The following CDH22 variants were observed in gnomAD, a reference collection of about 807,000 sequenced individuals.
CDH22 encodes the protein cadherin 22.
Under a neutral mutation model 58.4 loss-of-function variants are expected in CDH22, and 30 were observed. That is an observed-to-expected ratio of 0.51 (90% CI 0.38 to 0.70). The LOEUF (loss-of-function observed/expected upper bound fraction) is 0.70, where lower values mean the gene tolerates loss of function less well. CDH22 is among the 30% of genes least tolerant of loss of function. The probability of loss-of-function intolerance (pLI) is 0.00; values close to 1 mark genes in which losing one functional copy is unlikely to be tolerated. For synonymous variants in CDH22, 513 were observed against 558.2 expected (o/e 0.92, Z 1.14); for missense variants, 1,014 against 1,233.9 (o/e 0.82, Z 2.67).
intron 1 of CDH22, among the ~76,000 whole-genome samples, chr20:46,264,586 G>A (rs544852022): frequency 7.2e-5 from 11 of 152,116 alleles, no homozygotes; most frequent in African/African-American, 2.4e-4. Flanking sequence ...CTTGCCCAAG[G>A]TCACACAGCT....
chr20:46,268,553 G>A (rs1600722302), intron 1 of CDH22, among the ~76,000 whole-genome samples: 2 of 151,316 alleles, frequency 1.3e-5, no homozygotes, highest in Non-Finnish European at 1.5e-5. Flanking sequence ...CCACCACCCC[G>A]GGCTCGGGAT....
At chr20:46,201,080 G>A (rs2085957801) in intron 7 of CDH22, among the ~76,000 whole-genome samples, 1 of 152,244 alleles carries the variant, frequency 6.6e-6, no homozygotes, top group Non-Finnish European at 1.5e-5. Flanking sequence ...CACATGTCTC[G>A]GGCGGCGGCG....
intron 11 of CDH22, among the ~76,000 whole-genome samples, chr20:46,177,140 G>A (rs1428833532): frequency 6.6e-6 from 1 of 152,154 alleles, no homozygotes; most frequent in Non-Finnish European, 1.5e-5. Context: ...CAGAGGCCGT[G>A]CCAGTGCCAG....
At chr20:46,299,121 A>T (rs1307641609) in intron 1 of CDH22, among the ~76,000 whole-genome samples, 2 of 152,156 alleles carry the variant, frequency 1.3e-5, no homozygotes, top group Non-Finnish European at 1.5e-5. Context: ...AGCTCCACGC[A>T]TCTGAATTCA....
At chr20:46,244,188 G>A (rs1298613413) in intron 2 of CDH22, among the ~76,000 whole-genome samples, 1 of 152,168 alleles carries the variant, frequency 6.6e-6, no homozygotes, top group Non-Finnish European at 1.5e-5. Flanking sequence ...CAGACCCCAG[G>A]CAGGGCTCAC....
intron 1 of CDH22, among the ~76,000 whole-genome samples, chr20:46,268,158 G>A (rs1406704922): frequency 1.7e-4 from 26 of 152,248 alleles, no homozygotes; most frequent in Non-Finnish European, 8.8e-5. Flanking sequence ...GGTCAAAACC[G>A]TCCTGGGTGG....
intron 2 of CDH22, among the ~76,000 whole-genome samples, chr20:46,245,633 G>A (rs145179260): frequency 6.6e-6 from 1 of 152,170 alleles, no homozygotes; most frequent in East Asian, 1.9e-4. Flanking sequence ...ACCCAGCACG[G>A]GGCACAGCAC....
intron 8 of CDH22, among the ~76,000 whole-genome samples, chr20:46,196,293 T>TG (rs1231965516): frequency 2.6e-5 from 4 of 151,996 alleles, no homozygotes; most frequent in Non-Finnish European, 4.4e-5. Context: ...TTTTTTTTTT[T>TG]GAGACAGAGT....
chr20:46,237,347 T>C (rs547999244), intron 3 of CDH22, among the ~76,000 whole-genome samples: 1 of 152,184 alleles, frequency 6.6e-6, no homozygotes, highest in African/African-American at 2.4e-5. Flanking sequence ...CCTTTTAAGC[T>C]GTGAGTGGTT....
chr20:46,207,655 G>A (rs1385497998), intron 7 of CDH22, among the ~76,000 whole-genome samples: 5 of 152,198 alleles, frequency 3.3e-5, no homozygotes, highest in Non-Finnish European at 5.9e-5. Context: ...TCCTCAGCCT[G>A]CCTCTGAGGC....
At chr20:46,269,190 C>T (rs1354429688) in intron 1 of CDH22, among the ~76,000 whole-genome samples, 1 of 152,198 alleles carries the variant, frequency 6.6e-6, no homozygotes, top group African/African-American at 2.4e-5. Flanking sequence ...CCTGGGGTCT[C>T]CTTGCTGCTC....
At chr20:46,243,195 C>T (rs987967709) in intron 2 of CDH22, among the ~76,000 whole-genome samples, 5 of 152,162 alleles carry the variant, frequency 3.3e-5, no homozygotes, top group African/African-American at 9.7e-5. Flanking sequence ...CGAAGAGGGA[C>T]GAAAGCCCAT....
At chr20:46,199,923 C>G (rs1016480912) in intron 7 of CDH22, among the ~76,000 whole-genome samples, 28 of 125,456 alleles carry the variant, frequency 2.2e-4, no homozygotes, top group African/African-American at 9.1e-4. Context: ...TTCTTTCTTT[C>G]TCTCTCTTTC....
At chr20:46,279,004 TC>T (rs2145765156) in intron 1 of CDH22, among the ~76,000 whole-genome samples, 1 of 152,262 alleles carries the variant, frequency 6.6e-6, no homozygotes, top group South Asian at 2.1e-4. Flanking sequence ...GGGGCAGATT[TC>T]GGCTCAGGAA....
chr20:46,308,426 TGAGCGAGA>T lies in CDH22; in HGVS notation c.-579_-572del, dbSNP rs577421615. 3,031 of 215,136 alleles carry T rather than the reference TGAGCGAGA, an allele frequency of 0.014. 31 individuals are homozygous for T. The highest frequency in any genetic ancestry group is 0.037 in the African/African-American group (1,554 of 42,512). 13.3% of individuals were successfully genotyped at this position (215,136 alleles called of 1,614,324 possible). A position where few individuals can be genotyped will look rare whatever the true frequency, so the allele number is the denominator to read the frequency against. On this transcript the variant is annotated 5_prime_UTR_variant, in exon 1 of 12. Transcript: ENST00000537909. The surrounding 1 kb of genome is among the most constrained non-coding windows in gnomAD (Gnocchi z 4.3). ...GCGGCGGCGTGTGCGCGCGTGTGTG[TGAGCGAGA>T]GAGCGAGAGAGCGAGAGAGCGAGGG...
rs2059032688 is a variant in CDH22 at position 46,308,281 on chromosome 20, T to A, written c.-426A>T. On this transcript the variant is annotated 5_prime_UTR_variant, in exon 1 of 12. Coordinates refer to ENST00000537909, the MANE Select transcript of CDH22 (RefSeq NM_021248.3). The surrounding 1 kb of genome is among the most constrained non-coding windows in gnomAD (Gnocchi z 4.3). ...TCGGGGAGCGGCCCGGGGCTCCCCC[T>A]AGTCCTGCCGCCTCGGGACGCTGCG... 6.4e-6 allele frequency: 1 copy of A among 157,410 alleles called. No individual in the cohort carries two copies. 9.8% of individuals were successfully genotyped at this position (157,410 alleles called of 1,614,324 possible). A position where few individuals can be genotyped will look rare whatever the true frequency, so the allele number is the denominator to read the frequency against.
chr20:46,222,638 C>T (rs2086135333), intron 4 of CDH22, among the ~76,000 whole-genome samples: 1 of 152,350 alleles, frequency 6.6e-6, no homozygotes, highest in East Asian at 1.9e-4. Context: ...CACCCATCGT[C>T]CCCAGTTCCA....
chr20:46,270,497 C>T (rs976670148), intron 1 of CDH22, among the ~76,000 whole-genome samples: 3 of 152,120 alleles, frequency 2.0e-5, no homozygotes, highest in East Asian at 1.9e-4. Flanking sequence ...TCTCCGGTCT[C>T]GGGCTGGAAC....
At chr20:46,195,470 G>A (rs565471208) in intron 8 of CDH22, among the ~76,000 whole-genome samples, 2 of 152,202 alleles carry the variant, frequency 1.3e-5, no homozygotes, top group African/African-American at 2.4e-5. Flanking sequence ...AGCTTCTGGC[G>A]AGTCTGGTTA....
Sources: allele counts gnomAD v4.1 joint callset (sites outside exome capture counted in the v4.1 genomes callset), GRCh38; gene constraint gnomAD v4.1.1; non-coding constraint Gnocchi (gnomAD v3.1); transcripts MANE v1.5; gene names NCBI Gene and HGNC (gene_info 2026-07-23, HGNC 2026-07-21).